ZNF808: variants seen among roughly 807,000 people sequenced by gnomAD.
ZNF808 encodes zinc finger protein 808.
Under a neutral mutation model 8.7 loss-of-function variants are expected in ZNF808, and 5 were observed. That is an observed-to-expected ratio of 0.58 (90% confidence interval 0.30 to 1.21). The LOEUF (loss-of-function observed/expected upper bound fraction) is 1.21. ZNF808 is among the 50% of genes most tolerant of loss of function. The probability of loss-of-function intolerance (pLI) is 0.07; values close to 1 mark genes in which losing one functional copy is unlikely to be tolerated. For synonymous variants in ZNF808, 380 were observed against 366.0 expected, an observed-to-expected ratio of 1.04 and a Z score of -0.44; for missense variants, 1,103 against 1,098.4, an observed-to-expected ratio of 1.00 and a Z score of -0.06.
chr19:52,541,330 G>A (rs1409246837), intron 2 of ZNF808, among the ~76,000 whole-genome samples: 1 of 151,092 alleles, frequency 6.6e-6, no homozygotes, highest in African/African-American at 2.4e-5. Flanking sequence ...TTTCCATGTA[G>A]ATATCTAGTT....
chr19:52,558,016 G>GAT (rs2059843816), downstream of ZNF808, among the ~76,000 whole-genome samples: 1 of 74,338 alleles, frequency 1.3e-5, no homozygotes, highest in Non-Finnish European at 2.6e-5. Flanking sequence ...TCTAGGTGTG[G>GAT]CTTTTTTTTT....
intron 1 of ZNF808, among the ~76,000 whole-genome samples, 170 bp from the exon 2 acceptor site, chr19:52,532,735 AAGT>A (rs2059572271): frequency 6.6e-6 from 1 of 152,042 alleles, no homozygotes; most frequent in Admixed American, 6.6e-5. Context: ...AGTACACGTA[AAGT>A]ATTTATTAAG....
At chr19:52,537,083 G>C (rs1323300368) in intron 2 of ZNF808, among the ~76,000 whole-genome samples, 5 of 152,146 alleles carry the variant, frequency 3.3e-5, no homozygotes, top group African/African-American at 9.7e-5. Context: ...CTATTAGGGA[G>C]GCTGAGGCCA....
chr19:52,549,624 C>G (rs2059755846), intron 4 of ZNF808, among the ~76,000 whole-genome samples: 1 of 151,992 alleles, frequency 6.6e-6, no homozygotes, highest in South Asian at 2.1e-4. Flanking sequence ...TTTGGTCTAT[C>G]CTAGTGGAAT....
rs1324959165 is a variant in ZNF808, at chr19:52,554,212, T to C, written c.1296T>C (p.Cys432=). 6.2e-7 allele frequency: 1 copy of C among 1,613,592 alleles called. No individual in the cohort carries two copies. The highest frequency in any genetic ancestry group is 8.5e-7 in the Non-Finnish European group (1 of 1,179,726). The change falls in exon 5 of 5, where the codon TGT becomes TGC. Residue 432 remains cysteine (C), a synonymous_variant. Transcript: ENST00000359798. ...AGAAACCTTACAAATGTGAAGAATG[T>C]GACAAAGTTTTCAGTCAGAAATCAA... The part of the protein sequence containing the change: ...TGEKPYKCEE[C]DKVFSQKSTL...
chr19:52,536,649 T>A (rs984567847), intron 2 of ZNF808, among the ~76,000 whole-genome samples: 1 of 151,938 alleles, frequency 6.6e-6, no homozygotes, highest in African/African-American at 2.4e-5. Flanking sequence ...CTCCGGAAAA[T>A]GCGCTTCTCC....
chr19:52,541,372 C>T (rs1359440184), intron 2 of ZNF808, among the ~76,000 whole-genome samples: 2 of 151,814 alleles, frequency 1.3e-5, no homozygotes, highest in African/African-American at 2.4e-5. Context: ...CCGCTCCTGA[C>T]TGGTCTGGAA....
downstream of ZNF808, among the ~76,000 whole-genome samples, chr19:52,564,847 G>A (rs1446292329): frequency 6.6e-6 from 1 of 152,140 alleles, no homozygotes; most frequent in Admixed American, 6.6e-5. Flanking sequence ...AGCACTTTGG[G>A]AGGCCGAGGC....
intron 3 of ZNF808, among the ~76,000 whole-genome samples, chr19:52,545,670 G>A (rs1322666121): frequency 6.6e-6 from 1 of 151,972 alleles, no homozygotes; most frequent in Non-Finnish European, 1.5e-5. Context: ...CCTAGCTACT[G>A]GGGAGGCTGA....
downstream of ZNF808, among the ~76,000 whole-genome samples, chr19:52,557,523 C>T (rs535111542): frequency 7.2e-5 from 11 of 152,298 alleles, no homozygotes; most frequent in African/African-American, 2.6e-4. Flanking sequence ...CGACCTTGCC[C>T]TCCCAAAGTG....
intron 1 of ZNF808, among the ~76,000 whole-genome samples, chr19:52,528,900 G>T (rs181574092): frequency 6.6e-6 from 1 of 152,068 alleles, no homozygotes; most frequent in East Asian, 1.9e-4. Context: ...AATAAGTTGC[G>T]AGGATGGAGC....
At chr19:52,539,545 GTGGTTT>G (rs1199328895) in intron 2 of ZNF808, among the ~76,000 whole-genome samples, 3 of 84,284 alleles carry the variant, frequency 3.6e-5, no homozygotes, top group Admixed American at 3.1e-4. Flanking sequence ...TTTTGTTGTG[GTGGTTT>G]TTTTTTTTTT....
intron 3 of ZNF808, among the ~76,000 whole-genome samples, chr19:52,561,507 C>G (rs1033487672): frequency 6.6e-6 from 1 of 151,838 alleles, no homozygotes; most frequent in Non-Finnish European, 1.5e-5. Flanking sequence ...AACACACTGG[C>G]CTGCTGTACT....
At chr19:52,543,714 A>G (rs2059694490) in intron 3 of ZNF808, among the ~76,000 whole-genome samples, 1 of 152,210 alleles carries the variant, frequency 6.6e-6, no homozygotes, top group Admixed American at 6.6e-5. Context: ...TACATATGAA[A>G]TACGTATGTT....
intron 4 of ZNF808, among the ~76,000 whole-genome samples, chr19:52,549,788 G>A (rs1243491786): frequency 6.6e-6 from 1 of 152,108 alleles, no homozygotes; most frequent in Non-Finnish European, 1.5e-5. Context: ...ATTTTGTAAT[G>A]CTGAACACCC....
intron 2 of ZNF808, among the ~76,000 whole-genome samples, chr19:52,538,169 A>C (rs1303871470): frequency 1.3e-5 from 2 of 150,782 alleles, no homozygotes; most frequent in African/African-American, 4.9e-5. Flanking sequence ...CACCAAGCCC[A>C]GCTAGTAGTT....
chr19:52,534,943 C>T (rs1223550095), intron 2 of ZNF808, among the ~76,000 whole-genome samples: 3 of 151,592 alleles, frequency 2.0e-5, no homozygotes, highest in African/African-American at 7.3e-5. Context: ...ATCTCTTTCA[C>T]AAATGTGCTG....
At chr19:52,540,511 G>A (rs1470162125) in intron 2 of ZNF808, among the ~76,000 whole-genome samples, 1 of 152,096 alleles carries the variant, frequency 6.6e-6, no homozygotes, top group African/African-American at 2.4e-5. Context: ...GGTTGTTTCA[G>A]TGTGTACTTG....
intron 3 of ZNF808, among the ~76,000 whole-genome samples, chr19:52,544,711 C>G (rs1436664954): frequency 6.6e-6 from 1 of 152,076 alleles, no homozygotes; most frequent in African/African-American, 2.4e-5. Context: ...CCTTGATATC[C>G]TGGCCTCAAG....
Sources: gnomAD v4.1 joint callset for allele counts (sites outside exome capture counted in the v4.1 genomes callset) on GRCh38, gnomAD v4.1.1 for gene constraint, MANE v1.5 for transcripts, NCBI Gene and HGNC (gene_info 2026-07-23, HGNC 2026-07-21) for gene names.